XXYLT1: variants seen among roughly 807,000 people sequenced by gnomAD.
XXYLT1 encodes xyloside xylosyltransferase 1.
A neutral mutation model predicts 28.9 loss-of-function variants in XXYLT1; 20 were observed. The ratio of observed to expected loss-of-function variants is 0.69; its 90% CI spans 0.49 to 1.00. The LOEUF (loss-of-function observed/expected upper bound fraction) is 1.00. Among genes scored for constraint, XXYLT1 ranks in the 50% least tolerant of loss-of-function variants. The pLI is 0.00. For missense variants in XXYLT1, 542 were observed against 560.1 expected, an observed-to-expected ratio of 0.97 and a Z score of 0.33; for synonymous variants, 257 against 253.8, an observed-to-expected ratio of 1.01 and a Z score of -0.12.
At chr3:195,222,580 T>C (rs1247993982) in intron 2 of XXYLT1, among the ~76,000 whole-genome samples, 1 of 152,124 alleles carries the variant, frequency 6.6e-6, no homozygotes, top group African/African-American at 2.4e-5. Flanking sequence ...ATAATCTGTA[T>C]GCATGTGGAT....
chr3:195,145,036 T>C (rs1248907104), intron 3 of XXYLT1, among the ~76,000 whole-genome samples: 1 of 99,828 alleles, frequency 1.0e-5, no homozygotes, highest in Admixed American at 9.6e-5. Context: ...GAGCTGCAAT[T>C]ATACATCATC....
rs991030807 is a variant in XXYLT1, at chr3:195,256,866, C to A, written c.504+13689G>T. On this transcript the variant is annotated intron_variant, in intron 1 of 3. Transcript: ENST00000310380. The surrounding 1 kb of genome is among the most constrained non-coding windows in gnomAD (Gnocchi z 4.2). Reference sequence around the variant, plus strand: ...GCTGAAGAGCTTGCCCAGGGCACTGCCTGCCAGCCGGGGCTCTAGGCAGAC... The same window carrying A: ...GCTGAAGAGCTTGCCCAGGGCACTGACTGCCAGCCGGGGCTCTAGGCAGAC... Among the ~76,000 whole-genome samples the A allele has an allele frequency of 2.6e-5, 4 of 152,222 alleles. No homozygotes were observed. The highest frequency in any genetic ancestry group is 9.6e-5 in the African/African-American group (4 of 41,454).
intron 2 of XXYLT1, among the ~76,000 whole-genome samples, chr3:195,198,195 A>G (rs973813528): frequency 2.0e-5 from 3 of 152,206 alleles, no homozygotes; most frequent in Admixed American, 2.0e-4. Flanking sequence ...TACTGACACA[A>G]ACATCTCAGA....
In XXYLT1 at chr3:195,271,074, G is replaced by C; in HGVS notation, c.-16C>G. 7.6e-7 allele frequency: 1 copy of C among 1,322,436 alleles called. No homozygotes were observed. Among genetic ancestry groups the C allele is most frequent in the Non-Finnish European group, 9.6e-7 (1 of 1,039,632 alleles). The allele number at this position is 1,322,436 out of a possible 1,614,324, so 81.9% of individuals were successfully genotyped here. A position where few individuals can be genotyped will look rare whatever the true frequency, so the allele number is the denominator to read the frequency against. ...GGAGGCCCATGCGCTACGAGACCGCGGCGCCAGCGGTGCCAGCAACGCGGG... is the reference window on the plus strand; with the variant it reads ...GGAGGCCCATGCGCTACGAGACCGCCGCGCCAGCGGTGCCAGCAACGCGGG... On this transcript the variant is annotated 5_prime_UTR_variant, in exon 1 of 4. Transcript: ENST00000310380.
Position 195,143,845 on chromosome 3 carries a change from T to G in XXYLT1, c.785+12604A>C, listed in dbSNP as rs1185959113. Among the ~76,000 whole-genome samples the G allele has an allele frequency of 1.4e-4, 10 of 73,120 alleles. 3 individuals carry two copies. In the East Asian group the frequency reaches 2.1e-3, roughly 15 times the overall value. The allele number at this position is 73,120 out of a possible 152,430, so 48.0% of individuals were successfully genotyped here. On this transcript the variant is annotated intron_variant, in intron 3 of 3. Transcript: ENST00000310380. ...AGATATATATAGATATAGATATAGA[T>G]ATATATATAGATATATATAGATATA...
At chr3:195,162,096 CAAA>C (rs34348051) in intron 2 of XXYLT1, among the ~76,000 whole-genome samples, 3 of 95,042 alleles carry the variant, frequency 3.2e-5, no homozygotes. Context: ...GGCCCTGTTT[CAAA>C]AAAAAAAAAA....
intron 2 of XXYLT1, among the ~76,000 whole-genome samples, chr3:195,170,538 CA>C (rs1324973991): frequency 1.3e-5 from 2 of 152,212 alleles, no homozygotes; most frequent in African/African-American, 2.4e-5. Context: ...AAAGAAAAAT[CA>C]AACAATAAGC....
At chr3:195,134,492 A>G (rs1719064320) in intron 3 of XXYLT1, 1 of 155,160 alleles carries the variant, frequency 6.4e-6, no homozygotes, top group Non-Finnish European at 1.5e-5. Context: ...AGTGTTCAGT[A>G]CAGAAACATG....
At chr3:195,096,472 G>A (rs982959490) in intron 3 of XXYLT1, among the ~76,000 whole-genome samples, 5 of 152,108 alleles carry the variant, frequency 3.3e-5, no homozygotes, top group African/African-American at 7.2e-5. Flanking sequence ...ATACGCACAC[G>A]TGTACGTAAC....
At chr3:195,167,804 C>T (rs958542674) in intron 2 of XXYLT1, among the ~76,000 whole-genome samples, 2 of 152,044 alleles carry the variant, frequency 1.3e-5, no homozygotes, top group Non-Finnish European at 2.9e-5. Context: ...CAGAAGGCTC[C>T]GTGGTGCCTG....
Position 195,257,163 on chromosome 3 carries a change from G to A in XXYLT1, c.504+13392C>T, listed in dbSNP as rs148005619. Among the ~76,000 whole-genome samples the A allele has an allele frequency of 1.7e-3, 253 of 152,310 alleles. 3 individuals carry two copies. Among genetic ancestry groups the A allele is most frequent in the Non-Finnish European group, 9.7e-4 (66 of 68,012 alleles). The stretch of plus-strand genomic sequence containing the variant: ...CGCAAGTCTGAGCAGCATGTGCACA[G>A]GACATCTGACGGGCATCGGTGCCCA... On this transcript the variant is annotated intron_variant, in intron 1 of 3. Coordinates refer to ENST00000310380, the MANE Select transcript of XXYLT1 (RefSeq NM_152531.5). This position sits in a 1 kb window ranked among gnomAD's most constrained non-coding sequence, Gnocchi z 4.3.
Position 195,077,082 on chromosome 3 carries a change from G to A in XXYLT1, c.786-6971C>T, listed in dbSNP as rs1032634487. Among the ~76,000 whole-genome samples the A allele has an allele frequency of 6.6e-6, 1 of 152,300 alleles. No individual in the cohort carries two copies. The highest frequency in any genetic ancestry group is 2.1e-4 in the South Asian group (1 of 4,824). On this transcript the variant is annotated intron_variant, in intron 3 of 3. Transcript: ENST00000310380. This position sits in a 1 kb window ranked among gnomAD's most constrained non-coding sequence, Gnocchi z 4.8. ...CTGTCCAGGGACTCAGAGGACACCT[G>A]TGGGGCCCAGAACTGCCCTCAGCAA...
intron 3 of XXYLT1, among the ~76,000 whole-genome samples, chr3:195,085,663 C>T (rs2108653076): frequency 6.6e-6 from 1 of 152,344 alleles, no homozygotes; most frequent in Admixed American, 6.5e-5. Context: ...GGTGACAATC[C>T]TAGTAGAGTT....
intron 3 of XXYLT1, among the ~76,000 whole-genome samples, chr3:195,098,004 G>A (rs759651787): frequency 2.0e-5 from 3 of 152,170 alleles, no homozygotes; most frequent in East Asian, 1.9e-4. Context: ...GGGTCGGGAG[G>A]GGAACAGTGT....
chr3:195,260,886 A>T (rs191795269), intron 1 of XXYLT1, among the ~76,000 whole-genome samples: 2 of 152,184 alleles, frequency 1.3e-5, no homozygotes, highest in Non-Finnish European at 2.9e-5. Context: ...CAGAAAGCGC[A>T]GTTTTGGTTC....
chr3:195,202,884 A>C (rs1722917755), intron 2 of XXYLT1, among the ~76,000 whole-genome samples: 1 of 152,252 alleles, frequency 6.6e-6, no homozygotes, highest in African/African-American at 2.4e-5. Flanking sequence ...AGAAATCACA[A>C]GATAATTTTT....
At chr3:195,175,881 A>G (rs1476849754) in intron 2 of XXYLT1, 4 of 1,411,384 alleles carry the variant, frequency 2.8e-6, no homozygotes, top group Non-Finnish European at 3.7e-6. Context: ...CCAGTGTGAC[A>G]TTTGTGTGGG....
At chr3:195,107,583 AGGGGG>A (rs1560098373) in intron 3 of XXYLT1, among the ~76,000 whole-genome samples, 547 of 15,522 alleles carry the variant, frequency 0.035, 85 homozygotes, top group African/African-American at 0.15. Context: ...GGGGAGGAGG[AGGGGG>A]AGGAGGAGGG....
intron 3 of XXYLT1, chr3:195,146,985 G>A (rs1719888542): frequency 1.3e-5 from 2 of 153,748 alleles, no homozygotes; most frequent in Non-Finnish European, 2.9e-5. Context: ...AACTACAGGT[G>A]CAGGCTACCA....
Sources: allele counts gnomAD v4.1 joint callset (sites outside exome capture counted in the v4.1 genomes callset), GRCh38; gene constraint gnomAD v4.1.1; non-coding constraint Gnocchi (gnomAD v3.1); transcripts MANE v1.5; gene names NCBI Gene and HGNC (gene_info 2026-07-23, HGNC 2026-07-21).